Variants in KSR2 observed in about 807,000 individuals in gnomAD.
KSR2 encodes kinase suppressor of ras 2.
In KSR2, 25 loss-of-function variants were observed where a neutral mutation model predicts 107.8. That is an observed-to-expected ratio of 0.23 (90% CI 0.17 to 0.32). KSR2 has a LOEUF of 0.32. Among genes scored for constraint, KSR2 ranks in the 10% least tolerant of loss-of-function variants. The probability of loss-of-function intolerance (pLI) is 1.00; values close to 1 mark genes in which losing one functional copy is unlikely to be tolerated. For synonymous variants in KSR2, 480 were observed against 507.0 expected (o/e 0.95, Z 0.71); for missense variants, 887 against 1,268.9 (o/e 0.70, Z 4.57).
chr12:117,616,692 A>G (rs1002947881), intron 5 of KSR2, among the ~76,000 whole-genome samples: 6 of 152,198 alleles, frequency 3.9e-5, no homozygotes, highest in Non-Finnish European at 8.8e-5. Flanking sequence ...AGACTGTATC[A>G]CAGCCCAACT....
intron 14 of KSR2, among the ~76,000 whole-genome samples, chr12:117,496,944 G>A (rs1422540095): frequency 1.3e-5 from 2 of 151,188 alleles, no homozygotes; most frequent in Admixed American, 6.6e-5. Flanking sequence ...TCTGCCTCCC[G>A]GGTTCAAGCG....
At chr12:117,650,448 AT>A in intron 5 of KSR2, among the ~76,000 whole-genome samples, 1 of 152,266 alleles carries the variant, frequency 6.6e-6, no homozygotes, top group East Asian at 1.9e-4. Flanking sequence ...ACTAATATAG[AT>A]TTTGGTACCA....
rs558051767 is a variant in KSR2 at position 117,646,350 on chromosome 12, G to A, written c.1171+21124C>T. Among the ~76,000 whole-genome samples, 7 of 152,286 alleles carry A rather than the reference G, an allele frequency of 4.6e-5. 1 individual carries two copies. Among genetic ancestry groups the A allele is most frequent in the African/African-American group, 1.7e-4 (7 of 41,566 alleles). ...TCCAGCCATTTCCAGCCCATAACATGCAGTATCAGCTCACTGGGTCCTCGT... is the reference window on the plus strand; with the variant it reads ...TCCAGCCATTTCCAGCCCATAACATACAGTATCAGCTCACTGGGTCCTCGT... On this transcript the variant is annotated intron_variant, in intron 5 of 19. Coordinates refer to ENST00000339824, the MANE Select transcript of KSR2 (RefSeq NM_173598.6).
intron 3 of KSR2, among the ~76,000 whole-genome samples, chr12:117,805,708 GCA>G (rs1189879305): frequency 6.6e-6 from 1 of 152,214 alleles, no homozygotes; most frequent in Non-Finnish European, 1.5e-5. Context: ...CAGGCTAGGC[GCA>G]GTGGCTCATG....
chr12:117,645,650 G>A (rs528851540), intron 5 of KSR2, among the ~76,000 whole-genome samples: 1 of 151,466 alleles, frequency 6.6e-6, no homozygotes, highest in South Asian at 2.1e-4. Flanking sequence ...GTTCCTGGAA[G>A]CAAAATCTCT....
chr12:117,722,006 G>A (rs1047634150), intron 4 of KSR2, among the ~76,000 whole-genome samples: 1 of 152,022 alleles, frequency 6.6e-6, no homozygotes, highest in Admixed American at 6.6e-5. Flanking sequence ...TACAGCTAGC[G>A]CAACTGAAGA....
chr12:117,697,329 A>G (rs1426152512), intron 4 of KSR2, among the ~76,000 whole-genome samples: 2 of 152,216 alleles, frequency 1.3e-5, no homozygotes, highest in Non-Finnish European at 2.9e-5. Context: ...GGGCTTCTGG[A>G]GGGCAGAAAA....
At position 117,670,794 on chromosome 12, in the gene KSR2, C is replaced by T. The variant is rs11068613; in HGVS notation, c.987-3136G>A. 5.1e-3 allele frequency among the ~76,000 whole-genome samples: 771 copies of T among 152,276 alleles called. 10 individuals carry two copies. Among genetic ancestry groups the T allele is most frequent in the African/African-American group, 0.018 (728 of 41,560 alleles). On this transcript the variant is annotated intron_variant, in intron 4 of 19. Coordinates refer to ENST00000339824, the MANE Select transcript of KSR2 (RefSeq NM_173598.6). ...AGACAGGGCAGGGACCCAGGAGAGTCCCTGTTCAGTGGCCCCCACGGAACG... is the reference window on the plus strand; with the variant it reads ...AGACAGGGCAGGGACCCAGGAGAGTTCCTGTTCAGTGGCCCCCACGGAACG...
At chr12:117,552,882 G>T (rs1377310320) in intron 9 of KSR2, among the ~76,000 whole-genome samples, 1 of 152,216 alleles carries the variant, frequency 6.6e-6, no homozygotes. Context: ...TGTTTTAGAT[G>T]ACTCCAGCCG....
intron 3 of KSR2, among the ~76,000 whole-genome samples, chr12:117,766,159 T>A (rs1418471733): frequency 6.6e-6 from 1 of 152,162 alleles, no homozygotes; most frequent in East Asian, 1.9e-4. Flanking sequence ...CAAGTGTCCA[T>A]CAACTAAGGA....
At chr12:117,860,669 G>A (rs1893261142) in intron 1 of KSR2, among the ~76,000 whole-genome samples, 1 of 152,194 alleles carries the variant, frequency 6.6e-6, no homozygotes, top group Non-Finnish European at 1.5e-5. Context: ...ATTAGTACCA[G>A]TTCAGTGGAG....
At chr12:117,931,923 T>C (rs1326033844) in intron 1 of KSR2, among the ~76,000 whole-genome samples, 3 of 152,282 alleles carry the variant, frequency 2.0e-5, no homozygotes, top group African/African-American at 7.2e-5. Context: ...CAGATGGGGA[T>C]TCAAAGACAT....
chr12:117,507,064 T>C (rs556500635), intron 14 of KSR2, among the ~76,000 whole-genome samples: 2 of 152,302 alleles, frequency 1.3e-5, no homozygotes, highest in South Asian at 4.1e-4. Flanking sequence ...AAGTCTCTCA[T>C]TTTCATTAAA....
intron 3 of KSR2, among the ~76,000 whole-genome samples, chr12:117,798,720 A>AT (rs1555242304): frequency 0.2 from 24,301 of 119,544 alleles, 2,492 homozygotes; most frequent in East Asian, 0.33. Flanking sequence ...AAAAAAAAAA[A>AT]ATATATATAT....
rs761107203 is a variant in KSR2 at position 117,860,284 on chromosome 12, A to G, written c.321+7T>C. 1.5e-5 allele frequency: 24 copies of G among 1,606,652 alleles called. No homozygotes were observed. The highest frequency in any genetic ancestry group is 1.9e-5 in the Non-Finnish European group (22 of 1,174,094). ...GGGGCAGGGGACACAGGGGCCCCCC[A>G]GGTCACCTCCAGGACCTCCTTGCGC... On this transcript the variant is annotated splice_region_variant and intron_variant, in intron 2 of 19. Transcript: ENST00000339824.
intron 14 of KSR2, among the ~76,000 whole-genome samples, chr12:117,506,698 G>A (rs149043296): frequency 2.8e-4 from 42 of 152,328 alleles, no homozygotes; most frequent in Admixed American, 1.4e-3. Context: ...TTCTGACTCT[G>A]AGATGGGAGG....
intron 4 of KSR2, among the ~76,000 whole-genome samples, chr12:117,710,932 C>G (rs1251096535): frequency 1.3e-5 from 2 of 152,168 alleles, no homozygotes; most frequent in Non-Finnish European, 2.9e-5. Context: ...CTGTCTGGAA[C>G]AGTCTTCACT....
chr12:117,698,787 T>C (rs1886178239), intron 4 of KSR2, among the ~76,000 whole-genome samples: 1 of 152,222 alleles, frequency 6.6e-6, no homozygotes, highest in Non-Finnish European at 1.5e-5. Context: ...TTCCTCCTTG[T>C]TTTCTCCTAG....
At chr12:117,689,869 G>A (rs1333723767) in intron 4 of KSR2, among the ~76,000 whole-genome samples, 2 of 152,060 alleles carry the variant, frequency 1.3e-5, no homozygotes, top group Non-Finnish European at 2.9e-5. Flanking sequence ...TAAGGGGGGT[G>A]GGGGGAACTC....
Sources: allele counts gnomAD v4.1 joint callset (sites outside exome capture counted in the v4.1 genomes callset), GRCh38; gene constraint gnomAD v4.1.1; transcripts MANE v1.5; gene names NCBI Gene and HGNC (gene_info 2026-07-23, HGNC 2026-07-21).